Variants in FRAS1 observed in about 807,000 individuals in gnomAD.
The protein encoded by FRAS1 is Fraser extracellular matrix complex subunit 1.
In FRAS1, 290 loss-of-function variants were observed where a neutral mutation model predicts 435.2. The ratio of observed to expected loss-of-function variants is 0.67; its 90% CI spans 0.61 to 0.73. The LOEUF (loss-of-function observed/expected upper bound fraction) is 0.73. Ranked by LOEUF, FRAS1 falls within the 30% of genes least tolerant of loss-of-function variation. The pLI is 0.00. For synonymous variants in FRAS1, 1,800 were observed against 1,851.0 expected, an observed-to-expected ratio of 0.97 and a Z score of 0.71; for missense variants, 4,860 against 5,001.5, an observed-to-expected ratio of 0.97 and a Z score of 0.85.
chr4:78,117,270 T>C (rs1460750833), intron 2 of FRAS1, among the ~76,000 whole-genome samples: 2 of 152,314 alleles, frequency 1.3e-5, no homozygotes, highest in South Asian at 2.1e-4. Flanking sequence ...TAACATTTTT[T>C]CCTTCATTTC....
At chr4:78,524,565 G>A (rs1721476797) in intron 69 of FRAS1, among the ~76,000 whole-genome samples, 2 of 152,178 alleles carry the variant, frequency 1.3e-5, no homozygotes, top group Admixed American at 1.3e-4. Flanking sequence ...ATGTTTGAAG[G>A]GATCATGAGG....
In FRAS1 at chr4:78,508,962, G is replaced by A. The variant is rs977016304; in HGVS notation, c.9736G>A (p.Glu3246Lys). ...TGGCAATGGGGCCCGGTCTCCCTTT[G>A]AAACCATCACTGACAACACACCATT... ...TDGNGARSPF[E>K]TITDNTPFTS... Residue 3246 changes from glutamate (E) to lysine (K), a missense_variant, in exon 63 of 74, where the codon GAA becomes AAA. Glu to Lys is a moderately conservative substitution (Grantham distance 56). Transcript: ENST00000512123. The A allele has an allele frequency of 6.2e-7, 1 of 1,613,998 alleles. No homozygotes were observed. Among genetic ancestry groups the A allele is most frequent in the African/African-American group, 1.3e-5 (1 of 75,042 alleles).
At chr4:78,297,598 A>C (rs1019215132) in intron 14 of FRAS1, among the ~76,000 whole-genome samples, 2 of 152,028 alleles carry the variant, frequency 1.3e-5, no homozygotes, top group Non-Finnish European at 2.9e-5. Context: ...GTTGCTCAAG[A>C]AGCCAACCAC....
chr4:78,327,462 C>T (rs775614743), intron 18 of FRAS1, among the ~76,000 whole-genome samples: 4 of 152,012 alleles, frequency 2.6e-5, no homozygotes, highest in Non-Finnish European at 5.9e-5. Context: ...ATAGTAGTAT[C>T]GGTTGTTTGA....
chr4:78,251,352 A>T (rs1478640747), intron 4 of FRAS1, among the ~76,000 whole-genome samples: 1 of 152,258 alleles, frequency 6.6e-6, no homozygotes, highest in Non-Finnish European at 1.5e-5. Flanking sequence ...TGCAATAGAA[A>T]TGGGAGAAGT....
chr4:78,123,768 G>A (rs1370810162), intron 2 of FRAS1, among the ~76,000 whole-genome samples: 2 of 152,060 alleles, frequency 1.3e-5, no homozygotes, highest in African/African-American at 4.8e-5. Context: ...TCATGATTTG[G>A]CACTCTGTTT....
intron 7 of FRAS1, 81 bp downstream of exon 7, chr4:78,265,189 G>A: frequency 2.5e-6 from 2 of 805,134 alleles, no homozygotes; most frequent in Non-Finnish European, 4.0e-6. Flanking sequence ...GCCACCATAA[G>A]TCACCACCCT....
chr4:78,179,528 C>T (rs4859519), intron 2 of FRAS1, among the ~76,000 whole-genome samples: 35,906 of 152,164 alleles, frequency 0.24, 5,375 homozygotes, highest in South Asian at 0.51. Flanking sequence ...AAAAGCCATT[C>T]CTTCCCTGCT....
chr4:78,201,643 A>G (rs1723052518), intron 2 of FRAS1, among the ~76,000 whole-genome samples: 1 of 152,160 alleles, frequency 6.6e-6, no homozygotes, highest in African/African-American at 2.4e-5. Context: ...GACTCAACCA[A>G]TTGCTTCTGA....
chr4:78,447,288 T>TAAAAAA lies in FRAS1; in HGVS notation c.6010+419_6010+424dup, dbSNP rs3086830. 2.3e-3 allele frequency among the ~76,000 whole-genome samples: 251 copies of TAAAAAA among 109,022 alleles called. 5 individuals carry two copies. The highest frequency in any genetic ancestry group is 3.5e-3 in the Non-Finnish European group (190 of 54,516). 71.5% of individuals were successfully genotyped at this position (109,022 alleles called of 152,430 possible). ...TGTCTTTATGAACTTGTTCCTTTTG[T>TAAAAAA]AAAAAAAAAAAAAAAACACTTTTCC... is the stretch of plus-strand genomic sequence containing the variant. On this transcript the variant is annotated intron_variant, in intron 43 of 73. Coordinates refer to ENST00000512123, the MANE Select transcript of FRAS1 (RefSeq NM_025074.7).
At chr4:78,262,993 C>T (rs929528810) in intron 6 of FRAS1, among the ~76,000 whole-genome samples, 1 of 152,140 alleles carries the variant, frequency 6.6e-6, no homozygotes, top group African/African-American at 2.4e-5. Flanking sequence ...TCCAGTAAAG[C>T]TTTATTTACA....
intron 2 of FRAS1, among the ~76,000 whole-genome samples, chr4:78,193,632 T>C (rs1239243921): frequency 6.6e-6 from 1 of 152,194 alleles, no homozygotes; most frequent in Non-Finnish European, 1.5e-5. Context: ...TGGTAGATCT[T>C]CCTCCATCCC....
At chr4:78,302,096 T>C (rs1182537340) in intron 14 of FRAS1, among the ~76,000 whole-genome samples, 5 of 150,966 alleles carry the variant, frequency 3.3e-5, no homozygotes, top group Admixed American at 1.3e-4. Context: ...TGAGTGAGAA[T>C]ATGCGGTGTT....
chr4:78,405,614 T>C (rs1408633550), intron 30 of FRAS1, among the ~76,000 whole-genome samples: 1 of 152,248 alleles, frequency 6.6e-6, no homozygotes, highest in Non-Finnish European at 1.5e-5. Flanking sequence ...GTAAGAAAAC[T>C]AATTTCTCTA....
At chr4:78,206,928 G>T (rs1157426020) in intron 2 of FRAS1, among the ~76,000 whole-genome samples, 1 of 152,188 alleles carries the variant, frequency 6.6e-6, no homozygotes, top group African/African-American at 2.4e-5. Flanking sequence ...GCTGCCACAG[G>T]TGATTGTGAC....
chr4:78,234,771 A>G (rs1210213140), intron 2 of FRAS1, among the ~76,000 whole-genome samples: 2 of 152,190 alleles, frequency 1.3e-5, no homozygotes, highest in Non-Finnish European at 2.9e-5. Context: ...AGTTTGAAGC[A>G]CATTCCCTGA....
chr4:78,490,837 A>T (rs2109866843), intron 59 of FRAS1, among the ~76,000 whole-genome samples: 1 of 150,796 alleles, frequency 6.6e-6, no homozygotes, highest in Admixed American at 6.6e-5. Context: ...GACAGGAAAA[A>T]TCCTTCAAAA....
At chr4:78,076,557 CG>C (rs1332852616) in intron 2 of FRAS1, among the ~76,000 whole-genome samples, 1 of 152,066 alleles carries the variant, frequency 6.6e-6, no homozygotes, top group Non-Finnish European at 1.5e-5. Flanking sequence ...TTCTCTCATG[CG>C]GTACAACAGA....
chr4:78,283,374 G>C (rs774047642), intron 12 of FRAS1, among the ~76,000 whole-genome samples: 7 of 152,204 alleles, frequency 4.6e-5, no homozygotes, highest in Non-Finnish European at 8.8e-5. Context: ...GTGAGCTATT[G>C]AACAGATGGT....
Sources: gnomAD v4.1 joint callset for allele counts (sites outside exome capture counted in the v4.1 genomes callset) on GRCh38, gnomAD v4.1.1 for gene constraint, MANE v1.5 for transcripts, NCBI Gene and HGNC (gene_info 2026-07-23, HGNC 2026-07-21) for gene names.